SLC28A3: variants seen among roughly 807,000 people sequenced by gnomAD.
SLC28A3 encodes the protein concentrative Na(+)-nucleoside cotransporter 3.
Under a neutral mutation model 84.2 loss-of-function variants are expected in SLC28A3, and 68 were observed. That is an observed-to-expected ratio of 0.81 (90% CI 0.66 to 0.99). The LOEUF (loss-of-function observed/expected upper bound fraction) is 0.99, where lower values mean the gene tolerates loss of function less well. SLC28A3 is among the 50% of genes least tolerant of loss of function. SLC28A3 has a pLI of 0.00. For synonymous variants in SLC28A3, 267 were observed against 303.6 expected, an observed-to-expected ratio of 0.88 and a Z score of 1.25; for missense variants, 712 against 841.5, an observed-to-expected ratio of 0.85 and a Z score of 1.90.
chr9:84,325,780 T>C (rs1223901561), intron 1 of SLC28A3, among the ~76,000 whole-genome samples: 1 of 152,190 alleles, frequency 6.6e-6, no homozygotes, highest in East Asian at 1.9e-4. Flanking sequence ...ATCATCCCCT[T>C]CCTTTCTGAA....
chr9:84,292,732 A>G lies in SLC28A3; in HGVS notation c.959T>C (p.Leu320Pro), dbSNP rs1448045792. ...AATAGGAGATGATCCCGTAGTAACT[A>G]GCATGATCCATCCAACCTAAAAGGA... ...WIIRKVGWIM[L>P]VTTGSSPIES... Residue 320 changes from leucine (L) to proline (P), a missense_variant, in exon 10 of 18, where the codon CTA becomes CCA. By Grantham distance (98) the Leu-to-Pro change is moderately conservative. Coordinates refer to ENST00000376238, the MANE Select transcript of SLC28A3 (RefSeq NM_001199633.2). The G allele has an allele frequency of 1.3e-6, 2 of 1,581,886 alleles. No homozygotes were observed. Among genetic ancestry groups the G allele is most frequent in the East Asian group, 2.3e-5 (1 of 43,242 alleles).
chr9:84,331,590 C>A (rs1826790635), intron 1 of SLC28A3, among the ~76,000 whole-genome samples: 1 of 152,006 alleles, frequency 6.6e-6, no homozygotes, highest in South Asian at 2.1e-4. Context: ...AGAGTGAGGC[C>A]CATTTCCCCA....
intron 15 of SLC28A3, among the ~76,000 whole-genome samples, chr9:84,280,305 TCA>T (rs1182174601): frequency 2.0e-5 from 3 of 152,088 alleles, no homozygotes; most frequent in African/African-American, 7.2e-5. Flanking sequence ...GCTCAAAGGC[TCA>T]TTCTCCACAG....
chr9:84,292,495 CTG>C, intron 10 of SLC28A3, 171 bp downstream of exon 10: 5 of 532,856 alleles, frequency 9.4e-6, no homozygotes, highest in South Asian at 2.5e-5. Context: ...CTCTCTCTCT[CTG>C]TCTCTCTCTC....
chr9:84,344,539 C>G (rs532609393), upstream of SLC28A3, among the ~76,000 whole-genome samples: 6 of 152,154 alleles, frequency 3.9e-5, no homozygotes, highest in South Asian at 1.2e-3. Flanking sequence ...TCAAACCTGA[C>G]TCGCATAACA....
At chr9:84,340,807 G>C, upstream of SLC28A3, 1 of 622,458 alleles carries the variant, frequency 1.6e-6, no homozygotes, top group South Asian at 2.0e-5. Context: ...ACACCTGGTT[G>C]GGGTGGGGCA....
At chr9:84,288,220 T>G (rs1825074539) in intron 11 of SLC28A3, 42 bp from the exon 12 acceptor site, 1 of 1,611,884 alleles carries the variant, frequency 6.2e-7, no homozygotes, top group African/African-American at 1.3e-5. Flanking sequence ...GGATTAGCTT[T>G]TTTCTTGTGT....
intron 3 of SLC28A3, 40 bp from the exon 4 acceptor site, chr9:84,305,385 CA>C: frequency 6.5e-7 from 1 of 1,530,352 alleles, no homozygotes; most frequent in Non-Finnish European, 9.0e-7. Flanking sequence ...AAGTAAACAC[CA>C]AAAACATGAA....
chr9:84,286,147 G>A (rs1384993628), intron 12 of SLC28A3, 36 bp from the exon 13 acceptor site: 36 of 1,601,050 alleles, frequency 2.2e-5, no homozygotes, highest in Non-Finnish European at 3.0e-5. Context: ...AATTACCAAG[G>A]AGTTGTCAGG....
Position 84,278,340 on chromosome 9 carries a change from C to T in SLC28A3, c.1954G>A (p.Val652Ile), listed in dbSNP as rs776836919. 1.2e-6 allele frequency: 2 copies of T among 1,613,970 alleles called. No homozygotes were observed. Among genetic ancestry groups the T allele is most frequent in the Non-Finnish European group, 1.7e-6 (2 of 1,179,950 alleles). Residue 652 changes from valine (V) to isoleucine (I), a missense_variant, in exon 18 of 18, where the codon GTT becomes ATT. Transcript: ENST00000376238. Reference sequence around the variant, plus strand: ...ATGACTTCACCAGGACCCTTGGCAACAGTGCTGGTGGAAAGTGGAAAGAAA... The same window carrying T: ...ATGACTTCACCAGGACCCTTGGCAATAGTGCTGGTGGAAAGTGGAAAGAAA... ...ACCQSLLSST[V>I]AKGPGEVIPG...
At chr9:84,322,311 C>A (rs1366646808) in intron 1 of SLC28A3, among the ~76,000 whole-genome samples, 1 of 152,198 alleles carries the variant, frequency 6.6e-6, no homozygotes, top group Non-Finnish European at 1.5e-5. Flanking sequence ...ATGACACCTT[C>A]ATCTTGGAAC....
the SLC28A3 span, among the ~76,000 whole-genome samples, chr9:84,359,882 T>C: frequency 9.2e-5 from 14 of 151,384 alleles, no homozygotes; most frequent in African/African-American, 3.4e-4. Flanking sequence ...GTGCCTGTAT[T>C]CCCAGCTACC....
At chr9:84,364,596 C>G in the SLC28A3 span, among the ~76,000 whole-genome samples, 4 of 152,248 alleles carry the variant, frequency 2.6e-5, no homozygotes, top group African/African-American at 9.6e-5. Context: ...GTTGTGTGAT[C>G]AAATAGTAGG....
chr9:84,323,506 C>G (rs1381497761), intron 1 of SLC28A3, among the ~76,000 whole-genome samples: 1 of 150,654 alleles, frequency 6.6e-6, no homozygotes, highest in Admixed American at 6.6e-5. Context: ...CTCACTGCAA[C>G]TTCCACCTCC....
intron 1 of SLC28A3, among the ~76,000 whole-genome samples, chr9:84,320,992 A>G (rs894178366): frequency 2.6e-5 from 4 of 151,808 alleles, no homozygotes; most frequent in African/African-American, 9.7e-5. Flanking sequence ...AAAAGAAAGA[A>G]AAGCTTTCAA....
the SLC28A3 span, among the ~76,000 whole-genome samples, chr9:84,366,843 C>T: frequency 6.6e-6 from 1 of 152,214 alleles, no homozygotes; most frequent in Non-Finnish European, 1.5e-5. Flanking sequence ...GCCCTGAAGC[C>T]AGCACAGCCC....
chr9:84,313,868 G>GAAAAAAAAAA (rs754131148), intron 1 of SLC28A3, among the ~76,000 whole-genome samples: 1 of 125,566 alleles, frequency 8.0e-6, no homozygotes, highest in African/African-American at 3.0e-5. Context: ...GACTCTACCT[G>GAAAAAAAAAA]AAAAAAAAAA....
At chr9:84,300,835 C>T (rs1048543202) in intron 5 of SLC28A3, among the ~76,000 whole-genome samples, 2 of 152,044 alleles carry the variant, frequency 1.3e-5, no homozygotes, top group Non-Finnish European at 2.9e-5. Flanking sequence ...CCAGGCTGAT[C>T]CTGGCTTTGA....
chr9:84,308,880 G>A (rs1299089211), intron 3 of SLC28A3, among the ~76,000 whole-genome samples: 1 of 152,212 alleles, frequency 6.6e-6, no homozygotes, highest in Non-Finnish European at 1.5e-5. Context: ...ACCTTACGGA[G>A]TTGTAAGAAC....
Sources: gnomAD v4.1 joint callset for allele counts (sites outside exome capture counted in the v4.1 genomes callset) on GRCh38, gnomAD v4.1.1 for gene constraint, MANE v1.5 for transcripts, NCBI Gene and HGNC (gene_info 2026-07-23, HGNC 2026-07-21) for gene names.